HERPUD1: variants seen among roughly 807,000 people sequenced by gnomAD.
The protein encoded by HERPUD1 is homocysteine-responsive endoplasmic reticulum-resident ubiquitin-like domain member 1 protein.
In HERPUD1, 17 loss-of-function variants were observed where a neutral mutation model predicts 45.0. The ratio of observed to expected loss-of-function variants is 0.38; its 90% CI spans 0.26 to 0.57. The LOEUF is 0.57. Among genes scored for constraint, HERPUD1 ranks in the 20% least tolerant of loss-of-function variants. HERPUD1 has a pLI of 0.72. For missense variants in HERPUD1, 420 were observed against 490.5 expected (o/e 0.86, Z 1.36); for synonymous variants, 164 against 177.5 (o/e 0.92, Z 0.61).
At chr16:56,934,904 G>T (rs964060188) in intron 1 of HERPUD1, 35 of 253,948 alleles carry the variant, frequency 1.4e-4, no homozygotes, top group Middle Eastern at 4.4e-4. Context: ...TAGAGATGGG[G>T]TTTCACCATG....
At position 56,939,506 on chromosome 16, in the gene HERPUD1, A is replaced by G. The variant is rs1432722160; in HGVS notation, c.554+147A>G. ...CCTGCTCTGTTTGGTCTGTGGGTAG[A>G]GTGTAAATGACAGCTGCTACCTGAT... On this transcript the variant is annotated intron_variant, in intron 5 of 7. Coordinates refer to ENST00000439977, the MANE Select transcript of HERPUD1 (RefSeq NM_014685.4). 8 of 1,049,274 alleles carry G rather than the reference A, an allele frequency of 7.6e-6. No individual in the cohort carries two copies. The African/African-American group carries it at 1.3e-4, about 17-fold the overall frequency. 65.0% of individuals were successfully genotyped at this position (1,049,274 alleles called of 1,614,324 possible). A position where few individuals can be genotyped will look rare whatever the true frequency, so the allele number is the denominator to read the frequency against.
intron 7 of HERPUD1, among the ~76,000 whole-genome samples, chr16:56,942,641 G>C (rs1213065245): frequency 6.6e-6 from 1 of 152,078 alleles, no homozygotes; most frequent in East Asian, 1.9e-4. Flanking sequence ...GATCACCTGA[G>C]GTCAGGAGTT....
chr16:56,933,221 G>T (rs530227711), intron 1 of HERPUD1: 4 of 455,460 alleles, frequency 8.8e-6, no homozygotes, highest in Non-Finnish European at 1.8e-5. Context: ...ACAGGAGAGG[G>T]CATCCGGGCA....
chr16:56,937,766 C>T (rs557774831), intron 4 of HERPUD1, among the ~76,000 whole-genome samples: 1 of 150,614 alleles, frequency 6.6e-6, no homozygotes, highest in Non-Finnish European at 1.5e-5. Context: ...CTTAAAAGCA[C>T]TTTATCATTT....
rs1341577879 is a variant in HERPUD1, at chr16:56,944,278, A to G, written c.*988A>G. The stretch of plus-strand genomic sequence containing the variant: ...TTCCTGATTTAAACAGTACTGGCTT[A>G]TATAGGAACCCATCAAAGTTAAATT... On this transcript the variant is annotated 3_prime_UTR_variant, in exon 8 of 8. Transcript: ENST00000439977. 2 of 152,230 alleles carry G rather than the reference A, an allele frequency of 1.3e-5. No homozygotes were observed. Among genetic ancestry groups the G allele is most frequent in the Admixed American group, 6.5e-5 (1 of 15,280 alleles). 9.4% of individuals were successfully genotyped at this position (152,230 alleles called of 1,614,324 possible).
At chr16:56,942,350 T>TC in intron 7 of HERPUD1, 113 bp downstream of exon 7, 1 of 650,568 alleles carries the variant, frequency 1.5e-6, no homozygotes, top group African/African-American at 1.8e-5. Context: ...GCTAAATATT[T>TC]CATGATTTGT....
chr16:56,939,091 C>A, intron 4 of HERPUD1, 146 bp from the exon 5 acceptor site: 1 of 769,772 alleles, frequency 1.3e-6, no homozygotes, highest in Non-Finnish European at 2.1e-6. Context: ...TACATGGGTG[C>A]GTCATACAGT....
chr16:56,932,814 A>C (rs1202782731), intron 1 of HERPUD1, among the ~76,000 whole-genome samples: 1 of 152,208 alleles, frequency 6.6e-6, no homozygotes, highest in Non-Finnish European at 1.5e-5. Context: ...GACCGCCCAG[A>C]CACTGTGGAC....
In HERPUD1 at chr16:56,940,145, T is replaced by A; in HGVS notation, c.805T>A (p.Tyr269Asn). 1.2e-6 allele frequency: 2 copies of A among 1,614,238 alleles called. No homozygotes were observed. The highest frequency in any genetic ancestry group is 1.7e-6 in the Non-Finnish European group (2 of 1,180,026). Residue 269 changes from tyrosine (Y) to asparagine (N), a missense_variant, in exon 6 of 8, where the codon TAT (tyrosine) becomes AAT (asparagine). Tyr to Asn is a moderately radical substitution (Grantham distance 143, BLOSUM62 -2). Transcript: ENST00000439977. ...AAATCGAGATTGGTTGGATTGGACCTATTCAGCAGCTACATTTTCTGTTTT... is the reference window on the plus strand; with the variant it reads ...AAATCGAGATTGGTTGGATTGGACCAATTCAGCAGCTACATTTTCTGTTTT... ...EINRDWLDWT[Y>N]SAATFSVFLS...
At chr16:56,939,151 G>A (rs2055889051) in intron 4 of HERPUD1, 86 bp from the exon 5 acceptor site, 1 of 1,459,158 alleles carries the variant, frequency 6.9e-7, no homozygotes, top group Non-Finnish European at 9.4e-7. Flanking sequence ...TCTTCGATTT[G>A]AATTCTTGAT....
rs2055933152 is a variant in HERPUD1, at chr16:56,944,098, C to T, written c.*808C>T. ...TCCTTGGGCCAGAGTACATTGGCTA[C>T]TCACAAGTGGGCTGGTAGCTGGCTA... is the stretch of plus-strand genomic sequence containing the variant. On this transcript the variant is annotated 3_prime_UTR_variant, in exon 8 of 8. Coordinates refer to ENST00000439977, the MANE Select transcript of HERPUD1 (RefSeq NM_014685.4). The T allele has an allele frequency of 6.5e-6, 1 of 153,884 alleles. No homozygotes were observed. The highest frequency in any genetic ancestry group is 2.1e-4 in the South Asian group (1 of 4,842). 9.5% of individuals were successfully genotyped at this position (153,884 alleles called of 1,614,324 possible). A position where few individuals can be genotyped will look rare whatever the true frequency, so the allele number is the denominator to read the frequency against.
chr16:56,934,453 A>C (rs1409115668), intron 1 of HERPUD1, among the ~76,000 whole-genome samples: 1 of 152,134 alleles, frequency 6.6e-6, no homozygotes, highest in Non-Finnish European at 1.5e-5. Context: ...CCCACACGCC[A>C]TCTCCTCTAT....
intron 4 of HERPUD1, chr16:56,937,465 T>C (rs1285477254): frequency 6.6e-6 from 1 of 152,114 alleles, no homozygotes; most frequent in Non-Finnish European, 1.5e-5. Flanking sequence ...TAAAGCCAGG[T>C]GTTTTAGGAA....
chr16:56,939,396 TC>T (rs766622286), intron 5 of HERPUD1, 37 bp downstream of exon 5: 1 of 1,612,152 alleles, frequency 6.2e-7, no homozygotes, highest in Non-Finnish European at 8.5e-7. Flanking sequence ...TGGCCAGGGC[TC>T]CCGGGAATTG....
At position 56,944,306 on chromosome 16, in the gene HERPUD1, C is replaced by T. The variant is rs571658922; in HGVS notation, c.*1016C>T. The T allele has an allele frequency of 6.6e-6, 1 of 152,278 alleles. No individual in the cohort carries two copies. The highest frequency in any genetic ancestry group is 1.5e-5 in the Non-Finnish European group (1 of 68,020). The allele number at this position is 152,278 out of a possible 1,614,324, so 9.4% of individuals were successfully genotyped here. A position where few individuals can be genotyped will look rare whatever the true frequency, so the allele number is the denominator to read the frequency against. On this transcript the variant is annotated 3_prime_UTR_variant, in exon 8 of 8. Transcript: ENST00000439977. Reference sequence around the variant, plus strand: ...TAGGAACCCATCAAAGTTAAATTCCCCAAATTTAAATTTAGTAAATTTAGT... The same window carrying T: ...TAGGAACCCATCAAAGTTAAATTCCTCAAATTTAAATTTAGTAAATTTAGT...
rs778159871 is a variant in HERPUD1 at position 56,943,379 on chromosome 16, A to G, written c.*89A>G. The G allele has an allele frequency of 6.3e-6, 9 of 1,431,366 alleles. No homozygotes were observed. The highest frequency in any genetic ancestry group is 8.9e-6 in the Non-Finnish European group (9 of 1,015,010). The allele number at this position is 1,431,366 out of a possible 1,614,324, so 88.7% of individuals were successfully genotyped here. A position where few individuals can be genotyped will look rare whatever the true frequency, so the allele number is the denominator to read the frequency against. ...TAGATTGCCTCTCCTGGACATGGCA[A>G]TGATGAGTTTTTAAAAAACAGTGTG... On this transcript the variant is annotated 3_prime_UTR_variant, in exon 8 of 8. Coordinates refer to ENST00000439977, the MANE Select transcript of HERPUD1 (RefSeq NM_014685.4).
rs1324928535 is a variant in HERPUD1 at position 56,943,315 on chromosome 16, A to G, written c.*25A>G. 1 of 1,613,780 alleles carries G rather than the reference A, an allele frequency of 6.2e-7. No individual in the cohort carries two copies. The highest frequency in any genetic ancestry group is 8.5e-7 in the Non-Finnish European group (1 of 1,179,768). On this transcript the variant is annotated 3_prime_UTR_variant, in exon 8 of 8. Coordinates refer to ENST00000439977, the MANE Select transcript of HERPUD1 (RefSeq NM_014685.4). ...ATGGTGTTTGTGCTGTAGCTGTTGG[A>G]GGCTTTGACAGGAATGGACTGGATC... is the stretch of plus-strand genomic sequence containing the variant.
In HERPUD1 at chr16:56,943,129, G is replaced by A. The variant is rs1344162425; in HGVS notation, c.1015G>A (p.Gly339Ser). ...NQDPNNNLQE[G>S]TDPETEDPNH... ...CTCATTGTTTCATTACCTGTAGGAA[G>A]GCACTGATCCTGAAACTGAAGACCC... The change falls in exon 8 of 8, where the codon GGC (glycine) becomes AGC (serine). Residue 339 changes from glycine to serine, a missense_variant. Gly to Ser is a moderately conservative substitution (Grantham distance 56). Coordinates refer to ENST00000439977, the MANE Select transcript of HERPUD1 (RefSeq NM_014685.4). The A allele has an allele frequency of 6.2e-7, 1 of 1,613,708 alleles. No homozygotes were observed. Among genetic ancestry groups the A allele is most frequent in the Non-Finnish European group, 8.5e-7 (1 of 1,179,756 alleles).
At chr16:56,938,826 T>G (rs1329978580) in intron 4 of HERPUD1, among the ~76,000 whole-genome samples, 1 of 152,100 alleles carries the variant, frequency 6.6e-6, no homozygotes, top group Non-Finnish European at 1.5e-5. Context: ...AAGTGGATAT[T>G]GGGAGGATGG....
Sources: allele counts gnomAD v4.1 joint callset (sites outside exome capture counted in the v4.1 genomes callset), GRCh38; gene constraint gnomAD v4.1.1; transcripts MANE v1.5; gene names NCBI Gene and HGNC (gene_info 2026-07-23, HGNC 2026-07-21).